ANK2: variants seen among roughly 807,000 people sequenced by gnomAD.
The protein encoded by ANK2 is ankyrin-2.
ANK2 carries 83 observed loss-of-function variants against 360.5 expected under a neutral mutation model. The ratio of observed to expected loss-of-function variants is 0.23; its 90% confidence interval spans 0.19 to 0.28. The LOEUF (loss-of-function observed/expected upper bound fraction) is 0.28. ANK2 is among the 10% of genes least tolerant of loss of function. The pLI, the probability that ANK2 is intolerant of heterozygous loss-of-function variation, is 1.00. For missense variants in ANK2, 4,201 were observed against 4,795.7 expected, an observed-to-expected ratio of 0.88 and a Z score of 3.66; for synonymous variants, 1,740 against 1,759.5, an observed-to-expected ratio of 0.99 and a Z score of 0.28.
intron 2 of ANK2, among the ~76,000 whole-genome samples, chr4:112,918,523 T>C (rs1005115285): frequency 1.3e-5 from 2 of 152,174 alleles, no homozygotes; most frequent in Admixed American, 6.5e-5. Context: ...ACACTAGTTT[T>C]CTTTGATCGC....
At position 113,264,801 on chromosome 4, in the gene ANK2, A is replaced by G; in HGVS notation, c.1387-96A>G. On this transcript the variant is annotated intron_variant, in intron 13 of 45. Transcript: ENST00000357077. ...TTTCATAGGTTTCTTAAATCCTTGG[A>G]TATATTGCTGAATTTCACAAAAAGG... The G allele has an allele frequency of 3.5e-6, 4 of 1,156,562 alleles. No individual in the cohort carries two copies. In the South Asian group the frequency reaches 5.3e-5, roughly 15 times the overall value. The allele number at this position is 1,156,562 out of a possible 1,614,324, so 71.6% of individuals were successfully genotyped here. A position where few individuals can be genotyped will look rare whatever the true frequency, so the allele number is the denominator to read the frequency against.
At chr4:113,179,624 C>T (rs534238650) in intron 2 of ANK2, among the ~76,000 whole-genome samples, 22 of 151,918 alleles carry the variant, frequency 1.4e-4, no homozygotes, top group South Asian at 4.2e-4. Context: ...ATCTTTTTAC[C>T]GTATTATCTC....
At chr4:112,964,716 C>T (rs1462158411) in intron 2 of ANK2, among the ~76,000 whole-genome samples, 3 of 151,900 alleles carry the variant, frequency 2.0e-5, no homozygotes, top group Non-Finnish European at 2.9e-5. Context: ...ACTACAGGCG[C>T]CCGCCACCAC....
intron 1 of ANK2, among the ~76,000 whole-genome samples, chr4:112,823,253 T>G (rs2057620753): frequency 6.6e-6 from 1 of 152,202 alleles, no homozygotes; most frequent in African/African-American, 2.4e-5. Context: ...ATCTCTTCAT[T>G]GTAGACATTA....
At chr4:112,929,937 G>A (rs1195480725) in intron 2 of ANK2, among the ~76,000 whole-genome samples, 1 of 152,160 alleles carries the variant, frequency 6.6e-6, no homozygotes, top group Non-Finnish European at 1.5e-5. Flanking sequence ...ACATTACCCA[G>A]TTAGGAGACT....
At position 113,358,687 on chromosome 4, in the gene ANK2, G is replaced by A. The variant is rs1275111537; in HGVS notation, c.10069G>A (p.Val3357Ile). The change falls in exon 38 of 46, where the codon GTT becomes ATT. Residue 3357 changes from valine to isoleucine, a missense_variant. Val to Ile is a conservative substitution (Grantham distance 29). Around this residue, in one of 4 missense-constraint regions of ANK2, gnomAD observed 2,642 missense variants for 2,714.5 expected, o/e 0.97. Transcript: ENST00000357077. ...CCCTGTCAAAGTACCCCTCCAAAGA[G>A]TTGAACAGCAGCTCTCAGATCTAGA... Reference protein sequence around the residue: ...KLPVKVPLQRVEQQLSDLDTS... With the variant: ...KLPVKVPLQRIEQQLSDLDTS... 1 of 1,614,066 alleles carries A rather than the reference G, an allele frequency of 6.2e-7. No individual in the cohort carries two copies.
chr4:113,348,289 A>G lies in ANK2; in HGVS notation c.4385A>G (p.Asp1462Gly). The stretch of plus-strand genomic sequence containing the variant: ...TGGGGCGGAAAGGAATCAGAGTCAG[A>G]TCAAGAACAGGAGGAAGAGGTAATT... The part of the protein sequence containing the change: ...LPIYTKESES[D>G]QEQEEEIDMT... Residue 1462 changes from aspartate to glycine, a missense_variant, in exon 36 of 46, where the codon GAT becomes GGT. Around this residue, in one of 4 missense-constraint regions of ANK2, gnomAD observed 1,268 missense variants for 1,650.8 expected, o/e 0.77. Transcript: ENST00000357077. 6.2e-7 allele frequency: 1 copy of G among 1,613,442 alleles called. No homozygotes were observed. Among genetic ancestry groups the G allele is most frequent in the Non-Finnish European group, 8.5e-7 (1 of 1,179,566 alleles).
chr4:113,332,159 C>G, intron 28 of ANK2, 89 bp downstream of exon 28: 1 of 1,136,646 alleles, frequency 8.8e-7, no homozygotes, highest in Non-Finnish European at 1.3e-6. Flanking sequence ...TGTCATTGTG[C>G]CCATGACATG....
rs551711251 is a variant in ANK2 at position 113,004,372 on chromosome 4, T to TA, written c.21+99863dup. Among the ~76,000 whole-genome samples, 17 of 152,254 alleles carry TA rather than the reference T, an allele frequency of 1.1e-4. 2 individuals are homozygous for TA. The South Asian group carries it at 3.5e-3, about 32-fold the overall frequency. On this transcript the variant is annotated intron_variant, in intron 2 of 30. Coordinates refer to the ANK2 transcript ENST00000503271. Reference sequence around the variant, plus strand: ...CTAATTCTATAAACTATTTTCTATTTAAAAATTTTTTTTGTTTTTAATTTT... The same window carrying TA: ...CTAATTCTATAAACTATTTTCTATTTAAAAAATTTTTTTTGTTTTTAATTTT...
At position 113,288,407 on chromosome 4, in the gene ANK2, T is replaced by C; in HGVS notation, c.2198T>C (p.Ile733Thr). ...AHTKLGYTPL[I>T]VACHYGNVKM... ...TTACAGCTTGGTTACACACCTTTAA[T>C]TGTGGCCTGTCACTATGGAAATGTG... Residue 733 changes from isoleucine to threonine, a missense_variant, in exon 20 of 46, where the codon ATT (isoleucine) becomes ACT (threonine). Ile to Thr is a moderately conservative substitution (Grantham distance 89, BLOSUM62 -1). Transcript: ENST00000357077. 1.2e-6 allele frequency: 2 copies of C among 1,613,956 alleles called. No homozygotes were observed. The highest frequency in any genetic ancestry group is 1.7e-6 in the Non-Finnish European group (2 of 1,179,898).
chr4:112,894,595 C>G (rs1580697371), intron 1 of ANK2, among the ~76,000 whole-genome samples: 1 of 152,152 alleles, frequency 6.6e-6, no homozygotes, highest in East Asian at 1.9e-4. Flanking sequence ...GAATGTTCCA[C>G]AATTTCCTAA....
chr4:113,146,401 C>T (rs1271763027), intron 1 of ANK2, among the ~76,000 whole-genome samples: 7 of 152,276 alleles, frequency 4.6e-5, no homozygotes, highest in South Asian at 2.1e-4. Context: ...CTCACTAAGT[C>T]ACAGAGCATT....
At chr4:113,078,841 G>A (rs549511944) in intron 1 of ANK2, among the ~76,000 whole-genome samples, 1 of 152,278 alleles carries the variant, frequency 6.6e-6, no homozygotes, top group African/African-American at 2.4e-5. Flanking sequence ...TTTAGGTTTA[G>A]CCATTCACAT....
chr4:112,745,567 C>T, the ANK2 span, among the ~76,000 whole-genome samples: 7 of 132,994 alleles, frequency 5.3e-5, no homozygotes, highest in African/African-American at 2.0e-4. Flanking sequence ...GAGTTTCGCT[C>T]CTGTTGCCCA....
intron 1 of ANK2, among the ~76,000 whole-genome samples, chr4:113,056,856 A>G (rs950527057): frequency 2.0e-5 from 3 of 152,174 alleles, no homozygotes; most frequent in African/African-American, 4.8e-5. Context: ...GTTTTTATTC[A>G]TGTTTTTCTG....
At chr4:112,858,070 A>G (rs190877274) in intron 1 of ANK2, among the ~76,000 whole-genome samples, 2 of 152,282 alleles carry the variant, frequency 1.3e-5, no homozygotes, top group Admixed American at 1.3e-4. Flanking sequence ...TCACATTGTA[A>G]AGAAAGCCAA....
chr4:112,799,247 G>A, the ANK2 span, among the ~76,000 whole-genome samples: 2 of 152,204 alleles, frequency 1.3e-5, no homozygotes, highest in East Asian at 1.9e-4. Context: ...GCTTCAATGG[G>A]CAAATGGCTA....
intron 2 of ANK2, among the ~76,000 whole-genome samples, chr4:113,007,310 T>C (rs559175915): frequency 7.9e-5 from 12 of 152,300 alleles, no homozygotes; most frequent in African/African-American, 1.2e-4. Flanking sequence ...TTCACACATA[T>C]GGCCACAGGC....
chr4:112,825,285 TATGTAACAA>T (rs1378409367), intron 1 of ANK2, among the ~76,000 whole-genome samples: 1 of 151,860 alleles, frequency 6.6e-6, no homozygotes, highest in Non-Finnish European at 1.5e-5. Flanking sequence ...CATGTATACA[TATGTAACAA>T]ACCTGCATGT....
Sources: gnomAD v4.1 joint callset for allele counts (sites outside exome capture counted in the v4.1 genomes callset) on GRCh38, gnomAD v4.1.1 for gene constraint, gnomAD v4.1.1 regional missense constraint, MANE v1.5 for transcripts, NCBI Gene and HGNC (gene_info 2026-07-23, HGNC 2026-07-21) for gene names.